The following ACSBG1 variants were observed in gnomAD, a reference collection of about 807,000 sequenced individuals.
ACSBG1 encodes acyl-CoA synthetase bubblegum family member 1, also known as long-chain-fatty-acid--CoA ligase ACSBG1.
A neutral mutation model predicts 80.2 loss-of-function variants in ACSBG1; 39 were observed. The ratio of observed to expected loss-of-function variants is 0.49; its 90% CI spans 0.38 to 0.64. The LOEUF (loss-of-function observed/expected upper bound fraction) is 0.64, where lower values mean the gene tolerates loss of function less well. Among genes scored for constraint, ACSBG1 ranks in the 30% least tolerant of loss-of-function variants. The pLI, the probability that ACSBG1 is intolerant of heterozygous loss-of-function variation, is 0.00. For synonymous variants in ACSBG1, 392 were observed against 379.5 expected, an observed-to-expected ratio of 1.03 and a Z score of -0.38; for missense variants, 828 against 966.4, an observed-to-expected ratio of 0.86 and a Z score of 1.90.
chr15:78,168,069 G>T lies in ACSBG1; in HGVS notation c.*3375C>A, dbSNP rs1336331635. ...TTGGGGTCTGTATGCAGGAAAGAAA[G>T]GATAAGCTGGTAGAACAGATCAGTT... On this transcript the variant is annotated 3_prime_UTR_variant, in exon 14 of 14. Transcript: ENST00000258873. The T allele has an allele frequency of 6.6e-6, 1 of 152,098 alleles. No homozygotes were observed. Among genetic ancestry groups the T allele is most frequent in the Non-Finnish European group, 1.5e-5 (1 of 68,002 alleles). The allele number at this position is 152,098 out of a possible 1,614,324, so 9.4% of individuals were successfully genotyped here. A position where few individuals can be genotyped will look rare whatever the true frequency, so the allele number is the denominator to read the frequency against.
intron 11 of ACSBG1, among the ~76,000 whole-genome samples, chr15:78,176,245 C>T (rs998843207): frequency 7.2e-5 from 11 of 152,078 alleles, no homozygotes; most frequent in African/African-American, 2.7e-4. Flanking sequence ...TGCTTCTCCC[C>T]TGAGATCAGG....
At chr15:78,171,772 C>G in intron 13 of ACSBG1, 2 of 388,752 alleles carry the variant, frequency 5.1e-6, no homozygotes, top group South Asian at 4.3e-5. Context: ...GGTATGTCAC[C>G]TCTGAGAATA....
intron 1 of ACSBG1, among the ~76,000 whole-genome samples, chr15:78,226,223 T>C (rs796549608): frequency 3.2e-4 from 49 of 152,308 alleles, no homozygotes; most frequent in African/African-American, 1.0e-3. Context: ...ATAAAACTTA[T>C]ATAGAAATAA....
chr15:78,182,252 C>T (rs967782997), intron 7 of ACSBG1, 107 bp from the exon 8 acceptor site: 7 of 1,433,856 alleles, frequency 4.9e-6, no homozygotes, highest in African/African-American at 2.8e-5. Context: ...CCCCCTGTGG[C>T]GATTCTGCAG....
intron 1 of ACSBG1, among the ~76,000 whole-genome samples, chr15:78,215,873 G>C (rs1003696942): frequency 6.6e-6 from 1 of 152,142 alleles, no homozygotes; most frequent in Non-Finnish European, 1.5e-5. Flanking sequence ...GATCAGGAAG[G>C]CTTGGGAAAT....
intron 1 of ACSBG1, among the ~76,000 whole-genome samples, chr15:78,229,479 ACT>A (rs1390735138): frequency 1.3e-5 from 2 of 152,006 alleles, no homozygotes; most frequent in Non-Finnish European, 2.9e-5. Flanking sequence ...GGCAGAGCGC[ACT>A]CTCTGTCATC....
intron 1 of ACSBG1, among the ~76,000 whole-genome samples, chr15:78,224,073 GGAA>G (rs1370099897): frequency 6.6e-6 from 1 of 152,092 alleles, no homozygotes; most frequent in Non-Finnish European, 1.5e-5. Context: ...CCAGAACTGG[GGAA>G]GAATAAATAT....
chr15:78,230,811 C>T (rs2075440106), intron 1 of ACSBG1, among the ~76,000 whole-genome samples: 1 of 151,872 alleles, frequency 6.6e-6, no homozygotes, highest in Non-Finnish European at 1.5e-5. Context: ...ACTGTAAGTC[C>T]AATAAACTTC....
At chr15:78,174,213 G>C (rs1284056405) in intron 12 of ACSBG1, among the ~76,000 whole-genome samples, 172 bp downstream of exon 12, 1 of 152,184 alleles carries the variant, frequency 6.6e-6, no homozygotes, top group Non-Finnish European at 1.5e-5. Context: ...GGGACAGAAG[G>C]AATTTCCACG....
At chr15:78,173,311 C>T (rs1306920574) in intron 13 of ACSBG1, among the ~76,000 whole-genome samples, 1 of 119,166 alleles carries the variant, frequency 8.4e-6, no homozygotes, top group African/African-American at 3.2e-5. Flanking sequence ...TGCCATTGCT[C>T]TCTAGCCTGG....
At position 78,179,786 on chromosome 15, in the gene ACSBG1, G is replaced by A. The variant is rs1307033494; in HGVS notation, c.1254-6C>T. ...TTGTGAAGGGCTTCAGGTCGCTGGT[G>A]GGAGAGGGAGAATGGTTCACAGAAG... On this transcript the variant is annotated splice_polypyrimidine_tract_variant and splice_region_variant and intron_variant, in intron 9 of 13. Transcript: ENST00000258873. 4 of 1,605,812 alleles carry A rather than the reference G, an allele frequency of 2.5e-6. No individual in the cohort carries two copies. The highest frequency in any genetic ancestry group is 3.4e-6 in the Non-Finnish European group (4 of 1,174,620).
At chr15:78,188,024 C>A (rs1271208442) in intron 5 of ACSBG1, among the ~76,000 whole-genome samples, 5 of 152,010 alleles carry the variant, frequency 3.3e-5, no homozygotes, top group African/African-American at 9.7e-5. Context: ...ATTCTTATAC[C>A]CCAATAACAG....
intron 2 of ACSBG1, among the ~76,000 whole-genome samples, chr15:78,197,840 T>G (rs2075129286): frequency 6.6e-6 from 1 of 151,870 alleles, no homozygotes; most frequent in Non-Finnish European, 1.5e-5. Flanking sequence ...TCAGTGGTTA[T>G]TAGTTCTCTT....
At position 78,211,606 on chromosome 15, in the gene ACSBG1, C is replaced by A. The variant is rs149320750; in HGVS notation, c.132-3504G>T. ...AAACACTTTATCAGCAGCTACCCAG[C>A]AGCATGGGAACAAGAAAACAAAGGG... is the stretch of plus-strand genomic sequence containing the variant. On this transcript the variant is annotated intron_variant, in intron 1 of 13. Coordinates refer to ENST00000258873, the MANE Select transcript of ACSBG1 (RefSeq NM_015162.5). Among the ~76,000 whole-genome samples the A allele has an allele frequency of 5.0e-4, 76 of 152,340 alleles. No homozygotes were observed. In the East Asian group the frequency reaches 0.012, roughly 23 times the overall value.
chr15:78,169,045 G>A lies in ACSBG1; in HGVS notation c.*2399C>T, dbSNP rs2074787243. ...GCATTTACATCAGTCACTCTAAATG[G>A]ACACCACATGAACCTCTGTTTAGAA... is the stretch of plus-strand genomic sequence containing the variant. On this transcript the variant is annotated 3_prime_UTR_variant, in exon 14 of 14. Coordinates refer to ENST00000258873, the MANE Select transcript of ACSBG1 (RefSeq NM_015162.5). The A allele has an allele frequency of 8.1e-7, 1 of 1,236,714 alleles. No individual in the cohort carries two copies. Among genetic ancestry groups the A allele is most frequent in the Admixed American group, 1.7e-5 (1 of 57,984 alleles). The allele number at this position is 1,236,714 out of a possible 1,614,324, so 76.6% of individuals were successfully genotyped here.
At chr15:78,218,166 G>A (rs1161180802) in intron 1 of ACSBG1, among the ~76,000 whole-genome samples, 1 of 151,924 alleles carries the variant, frequency 6.6e-6, no homozygotes, top group Non-Finnish European at 1.5e-5. Context: ...GGATGGGACG[G>A]CCTGTAAGTC....
chr15:78,174,608 C>T (rs1041028006), intron 11 of ACSBG1, 84 bp from the exon 12 acceptor site: 13 of 1,500,528 alleles, frequency 8.7e-6, no homozygotes, highest in African/African-American at 6.9e-5. Flanking sequence ...AACCACAACC[C>T]GGAAGCCTCA....
chr15:78,182,734 G>A lies in ACSBG1; in HGVS notation c.715C>T (p.Pro239Ser), dbSNP rs1199796077. The stretch of plus-strand genomic sequence containing the variant: ...TACACATTGGCCATCTTGTTTGGAG[G>A]AGGTTCTTTATATATCACGACTGCC... ...LKAVVIYKEP[P>S]PNKMANVYTM... Residue 239 changes from proline (P) to serine (S), a missense_variant, in exon 6 of 14, where the codon CCT becomes TCT. By Grantham distance (74) the Pro-to-Ser change is moderately conservative. Coordinates refer to ENST00000258873, the MANE Select transcript of ACSBG1 (RefSeq NM_015162.5). The A allele has an allele frequency of 6.2e-7, 1 of 1,614,244 alleles. No homozygotes were observed. Among genetic ancestry groups the A allele is most frequent in the Non-Finnish European group, 8.5e-7 (1 of 1,180,040 alleles).
At chr15:78,175,346 T>C (rs1217478639) in intron 11 of ACSBG1, among the ~76,000 whole-genome samples, 1 of 152,262 alleles carries the variant, frequency 6.6e-6, no homozygotes, top group East Asian at 1.9e-4. Flanking sequence ...AAAAGATTAA[T>C]TGGTCACATT....
Sources: allele counts gnomAD v4.1 joint callset (sites outside exome capture counted in the v4.1 genomes callset), GRCh38; gene constraint gnomAD v4.1.1; transcripts MANE v1.5; gene names NCBI Gene and HGNC (gene_info 2026-07-23, HGNC 2026-07-21).